Variants in CELF2 observed in about 807,000 individuals in gnomAD.
The protein encoded by CELF2 is CUGBP Elav-like family member 2, also known as CUG triplet repeat RNA-binding protein 2.
CELF2 carries 8 observed loss-of-function variants against 62.6 expected under a neutral mutation model. The ratio of observed to expected loss-of-function variants is 0.13; its 90% CI spans 0.07 to 0.23. The LOEUF (loss-of-function observed/expected upper bound fraction) is 0.23. CELF2 is among the 10% of genes least tolerant of loss of function. The pLI, the probability that CELF2 is intolerant of heterozygous loss-of-function variation, is 1.00. For synonymous variants in CELF2, 258 were observed against 250.0 expected (o/e 1.03, Z -0.30); for missense variants, 333 against 671.0 (o/e 0.50, Z 5.56).
chr10:10,539,521 C>A, the CELF2 span, among the ~76,000 whole-genome samples: 31 of 144,960 alleles, frequency 2.1e-4, no homozygotes, highest in African/African-American at 7.4e-4. Context: ...AGTAATGCAG[C>A]TCATCCCACT....
chr10:11,262,940 CT>C (rs553831640), intron 5 of CELF2, among the ~76,000 whole-genome samples: 106 of 52,750 alleles, frequency 2.0e-3, no homozygotes, highest in African/African-American at 6.2e-3. Flanking sequence ...AGTGGCTTTA[CT>C]TTTTTTTTTT....
chr10:10,894,981 T>C (rs952862232), intron 1 of CELF2, among the ~76,000 whole-genome samples: 1 of 152,212 alleles, frequency 6.6e-6, no homozygotes, highest in Non-Finnish European at 1.5e-5. Flanking sequence ...TCCGTATTCA[T>C]TGAGAATCAA....
chr10:10,671,266 G>A, the CELF2 span, among the ~76,000 whole-genome samples: 2 of 149,414 alleles, frequency 1.3e-5, no homozygotes, highest in Admixed American at 1.3e-4. Context: ...TGGCTTGACA[G>A]CTTATTTGCT....
chr10:10,467,226 A>G, the CELF2 span, among the ~76,000 whole-genome samples: 1 of 152,100 alleles, frequency 6.6e-6, no homozygotes, highest in Non-Finnish European at 1.5e-5. Context: ...GTGTTCACAC[A>G]CAGTTATATC....
chr10:10,969,899 C>A (rs1406313476), intron 2 of CELF2, among the ~76,000 whole-genome samples: 1 of 152,102 alleles, frequency 6.6e-6, no homozygotes, highest in Admixed American at 6.6e-5. Context: ...AATGTACTAC[C>A]TAATACTTGT....
intron 11 of CELF2, among the ~76,000 whole-genome samples, chr10:11,322,808 T>C (rs1188260181): frequency 6.6e-6 from 1 of 152,178 alleles, no homozygotes; most frequent in Non-Finnish European, 1.5e-5. Flanking sequence ...TTCAGACAAC[T>C]GGTTCCCCAG....
At chr10:10,730,873 C>T in the CELF2 span, among the ~76,000 whole-genome samples, 9 of 152,308 alleles carry the variant, frequency 5.9e-5, no homozygotes, top group Admixed American at 2.6e-4. Context: ...CCCAGTCAGC[C>T]TCACTTCCAG....
chr10:11,005,271 A>AGG, upstream of CELF2: 2 of 1,566,338 alleles, frequency 1.3e-6, no homozygotes, highest in Non-Finnish European at 1.7e-6. This position sits in a 1 kb window ranked among gnomAD's most constrained non-coding sequence, Gnocchi z 4.3. Context: ...AGAGAGAGAG[A>AGG]GAGAGAGAGA....
chr10:10,690,906 C>T, the CELF2 span, among the ~76,000 whole-genome samples: 1 of 152,068 alleles, frequency 6.6e-6, no homozygotes, highest in South Asian at 2.1e-4. Flanking sequence ...CCAGCTCAAC[C>T]TCCTTCAAGC....
chr10:10,479,323 C>T, the CELF2 span, among the ~76,000 whole-genome samples: 280 of 152,192 alleles, frequency 1.8e-3, 2 homozygotes, highest in Non-Finnish European at 3.3e-3. Flanking sequence ...CATACACCAC[C>T]GTGCCCGGAT....
At chr10:11,140,201 G>A (rs2061101633) in intron 1 of CELF2, among the ~76,000 whole-genome samples, 1 of 152,122 alleles carries the variant, frequency 6.6e-6, no homozygotes, top group South Asian at 2.1e-4. Flanking sequence ...TACCCAAAAG[G>A]GCAAGAATTA....
chr10:10,898,818 A>G (rs982143212), intron 1 of CELF2, among the ~76,000 whole-genome samples: 1 of 152,244 alleles, frequency 6.6e-6, no homozygotes, highest in African/African-American at 2.4e-5. Flanking sequence ...ATTGTTTTTA[A>G]GTGCACATAG....
chr10:10,729,328 G>A, the CELF2 span, among the ~76,000 whole-genome samples: 4 of 152,116 alleles, frequency 2.6e-5, no homozygotes, highest in East Asian at 3.8e-4. Context: ...GAAATACAGC[G>A]AATCAAATAT....
chr10:11,285,258 A>C lies in CELF2; in HGVS notation c.842-3160A>C, dbSNP rs2090840274. 6.6e-6 allele frequency among the ~76,000 whole-genome samples: 1 copy of C among 152,086 alleles called. No homozygotes were observed. The highest frequency in any genetic ancestry group is 6.5e-5 in the Admixed American group (1 of 15,274). On this transcript the variant is annotated intron_variant, in intron 8 of 12. Transcript: ENST00000633077. This position sits in a 1 kb window ranked among gnomAD's most constrained non-coding sequence, Gnocchi z 4.3. ...TCACATCCCTCAGATGCTGGGGATCACAGTGTCCTCTCCTTTCCACTCTTC... is the reference window on the plus strand; with the variant it reads ...TCACATCCCTCAGATGCTGGGGATCCCAGTGTCCTCTCCTTTCCACTCTTC...
the CELF2 span, among the ~76,000 whole-genome samples, chr10:10,635,420 C>G: frequency 6.6e-6 from 1 of 152,146 alleles, no homozygotes. Context: ...AATTATTTTT[C>G]TAGAAGGTCG....
At chr10:11,099,949 C>G (rs1177908004) in intron 1 of CELF2, among the ~76,000 whole-genome samples, 1 of 150,778 alleles carries the variant, frequency 6.6e-6, no homozygotes, top group Admixed American at 6.6e-5. Context: ...GCCCATAATC[C>G]CAGCACTTTG....
intron 2 of CELF2, among the ~76,000 whole-genome samples, chr10:10,942,212 G>A (rs1252110541): frequency 6.6e-6 from 1 of 152,100 alleles, no homozygotes; most frequent in African/African-American, 2.4e-5. Context: ...GTATAAAAAT[G>A]ATTCCAAAAG....
chr10:11,244,671 A>C lies in CELF2; in HGVS notation c.355-4482A>C, dbSNP rs1052278145. Among the ~76,000 whole-genome samples, 11 of 150,772 alleles carry C rather than the reference A, an allele frequency of 7.3e-5. No individual in the cohort carries two copies. Among genetic ancestry groups the C allele is most frequent in the Non-Finnish European group, 3.0e-5 (2 of 67,604 alleles). ...AAGACTCCGTCTCAAAAAAAAAAAA[A>C]CAGCATAAAAACAACAACAACTTCC... is the stretch of plus-strand genomic sequence containing the variant. On this transcript the variant is annotated intron_variant, in intron 3 of 12. Coordinates refer to ENST00000633077, the MANE Select transcript of CELF2 (RefSeq NM_001326342.2). The surrounding 1 kb of genome is among the most constrained non-coding windows in gnomAD (Gnocchi z 4.2).
At chr10:10,835,448 T>C (rs1405132572) in intron 1 of CELF2, among the ~76,000 whole-genome samples, 2 of 151,510 alleles carry the variant, frequency 1.3e-5, no homozygotes, top group Non-Finnish European at 2.9e-5. Context: ...AGTGGCGCAA[T>C]CTCGGCTCAC....
Sources: allele counts gnomAD v4.1 joint callset (sites outside exome capture counted in the v4.1 genomes callset), GRCh38; gene constraint gnomAD v4.1.1; non-coding constraint Gnocchi (gnomAD v3.1); transcripts MANE v1.5; gene names NCBI Gene and HGNC (gene_info 2026-07-23, HGNC 2026-07-21).